Variants in SBF2 observed in about 807,000 individuals in gnomAD.
SBF2 encodes SET binding factor 2.
SBF2 carries 112 observed loss-of-function variants against 225.2 expected under a neutral mutation model. The observed-to-expected ratio is 0.50, with a 90% CI of 0.43 to 0.58. SBF2 has a LOEUF of 0.58. Among genes scored for constraint, SBF2 ranks in the 20% least tolerant of loss-of-function variants. SBF2 has a pLI of 0.00. For missense variants in SBF2, 1,996 were observed against 2,206.2 expected, an observed-to-expected ratio of 0.90 and a Z score of 1.91; for synonymous variants, 763 against 773.3, an observed-to-expected ratio of 0.99 and a Z score of 0.22.
At chr11:9,945,086 C>T (rs1269932608) in intron 16 of SBF2, among the ~76,000 whole-genome samples, 1 of 152,104 alleles carries the variant, frequency 6.6e-6, no homozygotes, top group Non-Finnish European at 1.5e-5. Flanking sequence ...GCCTGAGTGA[C>T]AGAGCCAAGA....
At chr11:9,972,986 T>G (rs16907318) in intron 13 of SBF2, among the ~76,000 whole-genome samples, 17,797 of 152,272 alleles carry the variant, frequency 0.12, 1,170 homozygotes, top group East Asian at 0.31. Flanking sequence ...TATGATATAT[T>G]TAGCTGTGTT....
intron 6 of SBF2, among the ~76,000 whole-genome samples, chr11:10,026,366 T>C (rs1398200494): frequency 6.6e-6 from 1 of 152,174 alleles, no homozygotes; most frequent in Non-Finnish European, 1.5e-5. Context: ...GAATGGTTCT[T>C]GGCTAAAATC....
At chr11:10,217,533 C>A (rs1426158524) in intron 1 of SBF2, among the ~76,000 whole-genome samples, 1 of 151,984 alleles carries the variant, frequency 6.6e-6, no homozygotes, top group Non-Finnish European at 1.5e-5. Context: ...GGCAAATAAC[C>A]CCTGACAACT....
At chr11:10,227,616 A>G (rs1178098123) in intron 1 of SBF2, among the ~76,000 whole-genome samples, 1 of 152,198 alleles carries the variant, frequency 6.6e-6, no homozygotes, top group Non-Finnish European at 1.5e-5. Context: ...AGGTTTGACA[A>G]AGATCAGATA....
In SBF2 at chr11:9,787,690, G is replaced by C. The variant is rs1337750415; in HGVS notation, c.4981C>G (p.Gln1661Glu). 3 of 1,614,070 alleles carry C rather than the reference G, an allele frequency of 1.9e-6. No individual in the cohort carries two copies. The highest frequency in any genetic ancestry group is 2.5e-6 in the Non-Finnish European group (3 of 1,180,050). ...ACGGTTACCCTTTCCCACAGCTGCT[G>C]CCACTTCTCAGGGGCTTGGTTCAAT... is the stretch of plus-strand genomic sequence containing the variant. ...HKLNQAPEKW[Q>E]QLWERVTVDL... Residue 1661 changes from glutamine to glutamate, a missense_variant, in exon 36 of 40, where the codon CAG becomes GAG. Coordinates refer to ENST00000256190, the MANE Select transcript of SBF2 (RefSeq NM_030962.4).
At chr11:9,801,473 T>C (rs949964780) in intron 32 of SBF2, among the ~76,000 whole-genome samples, 1 of 152,138 alleles carries the variant, frequency 6.6e-6, no homozygotes, top group African/African-American at 2.4e-5. Flanking sequence ...GGAAGTAAAG[T>C]TTAATACATT....
intron 2 of SBF2, among the ~76,000 whole-genome samples, chr11:10,085,616 G>C (rs1475300809): frequency 6.6e-6 from 1 of 152,078 alleles, no homozygotes; most frequent in Non-Finnish European, 1.5e-5. Flanking sequence ...TATTTTTAAA[G>C]TTTTTGTTAT....
chr11:10,200,501 A>G (rs1320265011), intron 1 of SBF2, among the ~76,000 whole-genome samples: 1 of 152,182 alleles, frequency 6.6e-6, no homozygotes, highest in Non-Finnish European at 1.5e-5. Context: ...CTCTTGATTT[A>G]CTGGAGTTAC....
At chr11:9,873,518 A>C (rs187652388) in intron 17 of SBF2, among the ~76,000 whole-genome samples, 1 of 152,302 alleles carries the variant, frequency 6.6e-6, no homozygotes, top group East Asian at 1.9e-4. Context: ...GGGCAGCAGC[A>C]TAGTTGCACA....
chr11:10,244,617 A>G (rs1959583931), intron 1 of SBF2, among the ~76,000 whole-genome samples: 1 of 152,286 alleles, frequency 6.6e-6, no homozygotes, highest in South Asian at 2.1e-4. Context: ...GTACCATACG[A>G]ATTTTAGGCA....
intron 15 of SBF2, among the ~76,000 whole-genome samples, chr11:9,963,114 C>CTA (rs1866683420): frequency 6.6e-6 from 1 of 152,124 alleles, no homozygotes; most frequent in Admixed American, 6.5e-5. Context: ...ACTACAGTTC[C>CTA]TATAATTCAT....
At chr11:10,251,531 G>A (rs775325289) in intron 1 of SBF2, among the ~76,000 whole-genome samples, 4 of 152,132 alleles carry the variant, frequency 2.6e-5, no homozygotes, top group Admixed American at 6.5e-5. Context: ...AGTTGTAGGG[G>A]ATTAATGAAA....
At chr11:10,012,535 T>A (rs1376390923) in intron 6 of SBF2, among the ~76,000 whole-genome samples, 1 of 152,226 alleles carries the variant, frequency 6.6e-6, no homozygotes, top group East Asian at 1.9e-4. Context: ...TTTTGACCAC[T>A]GTCATTATAT....
At chr11:10,282,921 C>G (rs1963510706) in intron 1 of SBF2, among the ~76,000 whole-genome samples, 1 of 152,154 alleles carries the variant, frequency 6.6e-6, no homozygotes, top group Admixed American at 6.5e-5. Context: ...TCAAAGCCTA[C>G]CTCAGTTTCC....
chr11:10,288,207 T>C (rs1963926147), intron 1 of SBF2, among the ~76,000 whole-genome samples: 1 of 152,196 alleles, frequency 6.6e-6, no homozygotes. Context: ...GGGGCATGTT[T>C]CAGCTCTGCT....
At chr11:9,780,586 A>G in intron 39 of SBF2, 70 bp from the exon 40 acceptor site, 1 of 1,285,150 alleles carries the variant, frequency 7.8e-7, no homozygotes, top group Admixed American at 1.7e-5. Flanking sequence ...GTAAGTGGTA[A>G]ATCAGTTCCT....
At chr11:9,861,616 A>T (rs1857749234) in intron 17 of SBF2, among the ~76,000 whole-genome samples, 1 of 150,114 alleles carries the variant, frequency 6.7e-6, no homozygotes, top group Non-Finnish European at 1.5e-5. Flanking sequence ...GTGAGCTGAG[A>T]TCGCGCCACT....
rs941527496 is a variant in SBF2, at chr11:10,225,912, T to C, written c.56-31925A>G. Among the ~76,000 whole-genome samples, 32 of 152,264 alleles carry C rather than the reference T, an allele frequency of 2.1e-4. No individual in the cohort carries two copies. The South Asian group carries it at 3.1e-3, about 15-fold the overall frequency. Reference sequence around the variant, plus strand: ...TTGAAATAAAATGTAAAGGAGTCGATTAGCAGTATGTTTTTCAAAGTCTTA... The same window carrying C: ...TTGAAATAAAATGTAAAGGAGTCGACTAGCAGTATGTTTTTCAAAGTCTTA... On this transcript the variant is annotated intron_variant, in intron 1 of 39. Transcript: ENST00000256190.
At chr11:9,997,849 T>C (rs751532824) in intron 9 of SBF2, among the ~76,000 whole-genome samples, 2 of 152,226 alleles carry the variant, frequency 1.3e-5, no homozygotes, top group Non-Finnish European at 1.5e-5. Flanking sequence ...CCTGAAAGTA[T>C]TGGCAAGACA....
Sources: allele counts gnomAD v4.1 joint callset (sites outside exome capture counted in the v4.1 genomes callset), GRCh38; gene constraint gnomAD v4.1.1; transcripts MANE v1.5; gene names NCBI Gene and HGNC (gene_info 2026-07-23, HGNC 2026-07-21).